XKR4: variants seen among roughly 807,000 people sequenced by gnomAD.
The protein encoded by XKR4 is XK related 4.
In XKR4, 12 loss-of-function variants were observed where a neutral mutation model predicts 53.9. The observed-to-expected ratio is 0.22, with a 90% CI of 0.14 to 0.36. The LOEUF (loss-of-function observed/expected upper bound fraction) is 0.36. Ranked by LOEUF, XKR4 falls within the 10% of genes least tolerant of loss-of-function variation. XKR4 has a pLI of 1.00. For missense variants in XKR4, 799 were observed against 859.5 expected (o/e 0.93, Z 0.88); for synonymous variants, 354 against 362.4 (o/e 0.98, Z 0.26).
intron 2 of XKR4, among the ~76,000 whole-genome samples, chr8:55,396,150 C>T (rs1229487751): frequency 6.6e-6 from 1 of 152,220 alleles, no homozygotes; most frequent in African/African-American, 2.4e-5. Context: ...CAGTTCATAA[C>T]ATGCCCTTCC....
At chr8:55,124,790 T>A (rs1215457149) in intron 1 of XKR4, among the ~76,000 whole-genome samples, 1 of 152,120 alleles carries the variant, frequency 6.6e-6, no homozygotes, top group African/African-American at 2.4e-5. Context: ...CATAGCTCAC[T>A]GCAACCTTGA....
chr8:55,318,004 G>A (rs1050096316), intron 1 of XKR4, among the ~76,000 whole-genome samples: 9 of 152,186 alleles, frequency 5.9e-5, no homozygotes, highest in Non-Finnish European at 8.8e-5. Flanking sequence ...TTCATTCACA[G>A]GAACCAAGTA....
intron 1 of XKR4, among the ~76,000 whole-genome samples, chr8:55,148,811 G>A (rs1006541980): frequency 1.3e-5 from 2 of 152,148 alleles, no homozygotes; most frequent in African/African-American, 4.8e-5. Flanking sequence ...TTTTAAGGTC[G>A]ATGTTGTTTT....
At chr8:55,350,337 C>G (rs979830798) in intron 1 of XKR4, among the ~76,000 whole-genome samples, 1 of 152,178 alleles carries the variant, frequency 6.6e-6, no homozygotes, top group African/African-American at 2.4e-5. Flanking sequence ...GACTTCCAGG[C>G]TGGTAGATGG....
intron 2 of XKR4, among the ~76,000 whole-genome samples, chr8:55,374,994 G>C (rs1458347795): frequency 6.6e-6 from 1 of 152,178 alleles, no homozygotes; most frequent in Admixed American, 6.5e-5. Flanking sequence ...CCAGCAGTTT[G>C]CAGTAACAAG....
At chr8:55,196,010 G>A (rs1040536990) in intron 1 of XKR4, among the ~76,000 whole-genome samples, 6 of 152,230 alleles carry the variant, frequency 3.9e-5, no homozygotes, top group Middle Eastern at 3.4e-3. Flanking sequence ...TGCTCCTGTC[G>A]GAAACTGTTG....
intron 2 of XKR4, among the ~76,000 whole-genome samples, chr8:55,505,623 C>T (rs1025780020): frequency 3.3e-5 from 5 of 152,164 alleles, no homozygotes; most frequent in African/African-American, 9.7e-5. Context: ...GTGAATTTTA[C>T]AGATTTCCCT....
At chr8:55,314,811 G>A (rs929090974) in intron 1 of XKR4, among the ~76,000 whole-genome samples, 2 of 152,194 alleles carry the variant, frequency 1.3e-5, no homozygotes, top group African/African-American at 2.4e-5. Context: ...TTTCCCATCC[G>A]CAAAATGGTG....
At chr8:55,378,342 T>G (rs1251517177) in intron 2 of XKR4, among the ~76,000 whole-genome samples, 1 of 152,250 alleles carries the variant, frequency 6.6e-6, no homozygotes, top group Admixed American at 6.5e-5. Flanking sequence ...AACGTGCAAA[T>G]GCAAGATTCG....
At chr8:55,213,860 T>C (rs55848225) in intron 1 of XKR4, among the ~76,000 whole-genome samples, 1,382 of 92,956 alleles carry the variant, frequency 0.015, 42 homozygotes, top group Non-Finnish European at 0.02. Flanking sequence ...TTCTTTCTTT[T>C]TTTTTTTTTT....
intron 1 of XKR4, among the ~76,000 whole-genome samples, chr8:55,213,262 G>T (rs1180154010): frequency 6.6e-6 from 1 of 152,186 alleles, no homozygotes; most frequent in Non-Finnish European, 1.5e-5. Context: ...GCATAATTTG[G>T]TGGGTAGGGG....
chr8:55,392,321 C>T (rs1804455136), intron 2 of XKR4, among the ~76,000 whole-genome samples: 1 of 152,142 alleles, frequency 6.6e-6, no homozygotes, highest in African/African-American at 2.4e-5. Context: ...GAGCATCTTA[C>T]TGTCCCAGAA....
In XKR4 at chr8:55,531,509, A is replaced by G. The variant is rs373175364; in HGVS notation, c.*7282A>G. 13 of 150,744 alleles carry G rather than the reference A, an allele frequency of 8.6e-5. No individual in the cohort carries two copies. Among genetic ancestry groups the G allele is most frequent in the African/African-American group, 2.7e-4 (11 of 40,676 alleles). The allele number at this position is 150,744 out of a possible 1,614,324, so 9.3% of individuals were successfully genotyped here. A position where few individuals can be genotyped will look rare whatever the true frequency, so the allele number is the denominator to read the frequency against. ...AACATAAAGTAACAATACAAATACAAAAAAAAAACTAGATGACTGCTTATA... is the reference window on the plus strand; with the variant it reads ...AACATAAAGTAACAATACAAATACAGAAAAAAAACTAGATGACTGCTTATA... On this transcript the variant is annotated 3_prime_UTR_variant, in exon 3 of 3. Coordinates refer to ENST00000327381, the MANE Select transcript of XKR4 (RefSeq NM_052898.2).
chr8:55,166,112 TGGGGGA>T (rs1817062048), intron 1 of XKR4, among the ~76,000 whole-genome samples: 1 of 151,868 alleles, frequency 6.6e-6, no homozygotes, highest in Admixed American at 6.6e-5. Flanking sequence ...GCAAATGAGG[TGGGGGA>T]GGGAGGAAGT....
At chr8:55,122,368 A>G (rs1451334421) in intron 1 of XKR4, among the ~76,000 whole-genome samples, 4 of 152,234 alleles carry the variant, frequency 2.6e-5, no homozygotes, top group African/African-American at 9.6e-5. Context: ...AAAATTTTAT[A>G]CAAATATCTG....
chr8:55,474,900 T>C (rs939815415), intron 2 of XKR4, among the ~76,000 whole-genome samples: 1 of 152,146 alleles, frequency 6.6e-6, no homozygotes, highest in Admixed American at 6.5e-5. Flanking sequence ...TCTGTTAAAA[T>C]GCATTAATGA....
Position 55,337,619 on chromosome 8 carries a change from G to A in XKR4, c.807-20059G>A, listed in dbSNP as rs149909231. 1.4e-4 allele frequency among the ~76,000 whole-genome samples: 21 copies of A among 152,248 alleles called. No individual in the cohort carries two copies. The East Asian group carries it at 1.5e-3, about 11-fold the overall frequency. On this transcript the variant is annotated intron_variant, in intron 1 of 2. Coordinates refer to ENST00000327381, the MANE Select transcript of XKR4 (RefSeq NM_052898.2). Reference sequence around the variant, plus strand: ...CAGAGGCCAGTGAAAGAGAAAGAACGACAAAGGGAAACGATGAAAGAATTG... The same window carrying A: ...CAGAGGCCAGTGAAAGAGAAAGAACAACAAAGGGAAACGATGAAAGAATTG...
chr8:55,282,081 C>A (rs1818851251), intron 1 of XKR4, among the ~76,000 whole-genome samples: 1 of 152,104 alleles, frequency 6.6e-6, no homozygotes, highest in South Asian at 2.1e-4. Flanking sequence ...GATTCTGGTC[C>A]AAAACTCACT....
chr8:55,395,984 A>G (rs1474146789), intron 2 of XKR4, among the ~76,000 whole-genome samples: 1 of 152,158 alleles, frequency 6.6e-6, no homozygotes, highest in African/African-American at 2.4e-5. Context: ...ATATCCTCAC[A>G]TGGAGGAGAG....
Sources: allele counts gnomAD v4.1 joint callset (sites outside exome capture counted in the v4.1 genomes callset), GRCh38; gene constraint gnomAD v4.1.1; transcripts MANE v1.5; gene names NCBI Gene and HGNC (gene_info 2026-07-23, HGNC 2026-07-21).